The following TRIM29 variants were observed in gnomAD, a reference collection of about 807,000 sequenced individuals.
TRIM29 encodes the protein tripartite motif-containing protein 29.
Under a neutral mutation model 57.3 loss-of-function variants are expected in TRIM29, and 52 were observed. That is an observed-to-expected ratio of 0.91 (90% CI 0.73 to 1.14). The LOEUF is 1.14. Among genes scored for constraint, TRIM29 ranks in the 50% most tolerant of loss-of-function variants. The probability of loss-of-function intolerance (pLI) is 0.00; values close to 1 mark genes in which losing one functional copy is unlikely to be tolerated. For synonymous variants in TRIM29, 319 were observed against 316.9 expected (o/e 1.01, Z -0.07); for missense variants, 753 against 774.6 (o/e 0.97, Z 0.33).
intron 1 of TRIM29, among the ~76,000 whole-genome samples, chr11:120,132,220 G>A (rs200254900): frequency 6.6e-5 from 10 of 151,284 alleles, no homozygotes; most frequent in African/African-American, 9.7e-5. Flanking sequence ...TTTTGCCCCC[G>A]CTTCCCTCCC....
At chr11:120,120,506 C>T (rs1436697860) in intron 6 of TRIM29, 67 bp downstream of exon 6, 6 of 1,466,310 alleles carry the variant, frequency 4.1e-6, no homozygotes, top group Non-Finnish European at 5.6e-6. Context: ...GGACCCACCT[C>T]TATGCCCCTC....
chr11:120,125,886 A>T lies in TRIM29; in HGVS notation c.1138T>A (p.Phe380Ile), dbSNP rs765041046. 1 of 1,611,640 alleles carries T rather than the reference A, an allele frequency of 6.2e-7. No homozygotes were observed. Among genetic ancestry groups the T allele is most frequent in the East Asian group, 2.2e-5 (1 of 44,782 alleles). Residue 380 changes from phenylalanine to isoleucine, a missense_variant, in exon 4 of 9, where the codon TTT becomes ATT. Physicochemically the swap from Phe to Ile is conservative, Grantham distance 21. Coordinates refer to ENST00000341846, the MANE Select transcript of TRIM29 (RefSeq NM_012101.4). ...GAGTAATTGCTCATCAATGCACCAA[A>T]TTCCTACCAAGAAAGGAAAGAACCA... is the stretch of plus-strand genomic sequence containing the variant. The part of the protein sequence containing the change: ...ISDSVLFLQE[F>I]GALMSNYSLP...
At chr11:120,122,866 G>A (rs560364134) in intron 5 of TRIM29, 88 bp downstream of exon 5, 3 of 1,057,228 alleles carry the variant, frequency 2.8e-6, no homozygotes, top group African/African-American at 3.1e-5. Flanking sequence ...CACTCAGAAG[G>A]AACCTGGCTG....
intron 1 of TRIM29, chr11:120,129,033 T>C (rs1175788742): frequency 1.3e-6 from 1 of 757,556 alleles, no homozygotes; most frequent in Non-Finnish European, 1.8e-6. Context: ...AACCTGTTTA[T>C]GGGAAAGGGA....
intron 1 of TRIM29, among the ~76,000 whole-genome samples, chr11:120,136,008 G>A (rs188262696): frequency 6.6e-6 from 1 of 152,264 alleles, no homozygotes; most frequent in East Asian, 1.9e-4. Flanking sequence ...CCTTCCCCAG[G>A]TATGCTACAT....
At chr11:120,125,419 C>T in intron 4 of TRIM29, 1 of 489,998 alleles carries the variant, frequency 2.0e-6, no homozygotes, top group Non-Finnish European at 3.7e-6. Flanking sequence ...TGATGGACAA[C>T]CCACAGAGAG....
chr11:120,120,769 C>A (rs1212882244), intron 5 of TRIM29, 104 bp from the exon 6 acceptor site: 2 of 915,806 alleles, frequency 2.2e-6, no homozygotes, highest in Non-Finnish European at 3.5e-6. Context: ...CTGGATTCCA[C>A]CACTGAGAGA....
intron 1 of TRIM29, among the ~76,000 whole-genome samples, chr11:120,129,557 C>A (rs1229951707): frequency 8.5e-5 from 13 of 152,202 alleles, no homozygotes; most frequent in Non-Finnish European, 1.9e-4. Context: ...GGTGAGGATG[C>A]CACAAACCTC....
intron 7 of TRIM29, chr11:120,117,352 T>C: frequency 5.9e-6 from 1 of 170,744 alleles, no homozygotes; most frequent in Non-Finnish European, 1.3e-5. Context: ...TGCCGGCAGC[T>C]CCAAGAATCC....
At position 120,112,389 on chromosome 11, in the gene TRIM29, G is replaced by A. The variant is rs573667356; in HGVS notation, c.*25C>T. On this transcript the variant is annotated 3_prime_UTR_variant, in exon 9 of 9. Coordinates refer to ENST00000341846, the MANE Select transcript of TRIM29 (RefSeq NM_012101.4). ...GGTCAGGAGGAAGAGCAGGGGTGTG[G>A]CGCCTCGTTCCTTCCGCCAGGAGCT... 1.7e-5 allele frequency: 27 copies of A among 1,613,210 alleles called. No homozygotes were observed. The East Asian group carries it at 5.4e-4, about 32-fold the overall frequency.
intron 4 of TRIM29, chr11:120,125,448 G>A: frequency 1.9e-6 from 1 of 526,678 alleles, no homozygotes; most frequent in Non-Finnish European, 3.4e-6. Flanking sequence ...TGTGGAGCCA[G>A]TGCCCAGGAT....
Position 120,137,299 on chromosome 11 carries a change from A to G in TRIM29, c.733T>C (p.Tyr245His), listed in dbSNP as rs747222379. Reference sequence around the variant, plus strand: ...TTGTGCTCCTGGAACATGCAAAGGTAGCAGATGCAGGTCTGGTCGGTCTGG... The same window carrying G: ...TTGTGCTCCTGGAACATGCAAAGGTGGCAGATGCAGGTCTGGTCGGTCTGG... ...FCQTDQTCIC[Y>H]LCMFQEHKNH... Residue 245 changes from tyrosine to histidine, a missense_variant, in exon 1 of 9, where the codon TAC becomes CAC. Physicochemically the swap from Tyr to His is moderately conservative, Grantham distance 83. Coordinates refer to ENST00000341846, the MANE Select transcript of TRIM29 (RefSeq NM_012101.4). The surrounding 1 kb of genome is among the most constrained non-coding windows in gnomAD (Gnocchi z 6.2). 4 of 1,614,162 alleles carry G rather than the reference A, an allele frequency of 2.5e-6. No individual in the cohort carries two copies. Among genetic ancestry groups the G allele is most frequent in the South Asian group, 1.1e-5 (1 of 91,080 alleles).
chr11:120,116,958 C>G (rs1591318178), intron 7 of TRIM29: 1 of 408,888 alleles, frequency 2.4e-6, no homozygotes. Context: ...TGGGCAGATA[C>G]CGGGATTATT....
At chr11:120,123,379 C>A in intron 4 of TRIM29, 1 of 520,512 alleles carries the variant, frequency 1.9e-6, no homozygotes, top group South Asian at 1.5e-5. Context: ...ATCCATACAT[C>A]AATTGTGGTT....
chr11:120,121,836 C>T (rs1254006510), intron 5 of TRIM29: 1 of 373,066 alleles, frequency 2.7e-6, no homozygotes, highest in Non-Finnish European at 5.5e-6. Context: ...GGGCCTGGTC[C>T]ATGGATGGAA....
At chr11:120,120,774 G>T in intron 5 of TRIM29, 109 bp from the exon 6 acceptor site, 1 of 870,378 alleles carries the variant, frequency 1.1e-6, no homozygotes, top group South Asian at 1.4e-5. Flanking sequence ...TTCCACCACT[G>T]AGAGAAGTCC....
intron 4 of TRIM29, chr11:120,124,057 G>A (rs586407): frequency 0.027 from 4,243 of 155,876 alleles, 70 homozygotes; most frequent in Non-Finnish European, 0.039. Context: ...GCAGCCACAC[G>A]AAAAAACAAC....
chr11:120,130,630 A>G (rs1863701531), intron 1 of TRIM29, among the ~76,000 whole-genome samples: 1 of 152,188 alleles, frequency 6.6e-6, no homozygotes, highest in South Asian at 2.1e-4. Flanking sequence ...CTTCCAGGGA[A>G]GCTGTGGGAT....
rs959707340 is a variant in TRIM29 at position 120,124,402 on chromosome 11, C to T, written c.1333+1289G>A. ...CCCCACTTCTGCAGCCACCGCCAGCCGCAGCTTCTCAGATGAGAGGGCATG... is the reference window on the plus strand; with the variant it reads ...CCCCACTTCTGCAGCCACCGCCAGCTGCAGCTTCTCAGATGAGAGGGCATG... On this transcript the variant is annotated intron_variant, in intron 4 of 8. Transcript: ENST00000341846. 1.0e-4 allele frequency: 16 copies of T among 152,496 alleles called. No homozygotes were observed. The East Asian group carries it at 2.9e-3, about 28-fold the overall frequency. The allele number at this position is 152,496 out of a possible 1,614,324, so 9.4% of individuals were successfully genotyped here. A position where few individuals can be genotyped will look rare whatever the true frequency, so the allele number is the denominator to read the frequency against.
Sources: gnomAD v4.1 joint callset for allele counts (sites outside exome capture counted in the v4.1 genomes callset) on GRCh38, gnomAD v4.1.1 for gene constraint, Gnocchi (gnomAD v3.1) non-coding constraint, MANE v1.5 for transcripts, NCBI Gene and HGNC (gene_info 2026-07-23, HGNC 2026-07-21) for gene names.